Variants in GRID2IP observed in about 807,000 individuals in gnomAD.
GRID2IP encodes the protein Grid2 interacting protein.
A neutral mutation model predicts 114.3 loss-of-function variants in GRID2IP; 78 were observed. The observed-to-expected ratio is 0.68, with a 90% CI of 0.57 to 0.82. The LOEUF (loss-of-function observed/expected upper bound fraction) is 0.82. Among genes scored for constraint, GRID2IP ranks in the 40% least tolerant of loss-of-function variants. GRID2IP has a pLI of 0.00. For missense variants in GRID2IP, 1,727 were observed against 1,678.5 expected (o/e 1.03, Z -0.51); for synonymous variants, 809 against 724.0 (o/e 1.12, Z -1.89).
intron 2 of GRID2IP, among the ~76,000 whole-genome samples, chr7:6,537,104 G>C (rs1453804283): frequency 6.6e-6 from 1 of 152,082 alleles, no homozygotes; most frequent in Non-Finnish European, 1.5e-5. Flanking sequence ...GGCGGGATCC[G>C]GGGAGGGAGA....
Position 6,506,608 on chromosome 7 carries a change from G to T in GRID2IP, c.2545-701C>A, listed in dbSNP as rs1266473145. Among the ~76,000 whole-genome samples, 1 of 152,058 alleles carries T rather than the reference G, an allele frequency of 6.6e-6. No homozygotes were observed. Among genetic ancestry groups the T allele is most frequent in the East Asian group, 1.9e-4 (1 of 5,188 alleles). On this transcript the variant is annotated intron_variant, in intron 13 of 21. Coordinates refer to ENST00000457091, the MANE Select transcript of GRID2IP (RefSeq NM_001145118.2). The surrounding 1 kb of genome is among the most constrained non-coding windows in gnomAD (Gnocchi z 5.2). ...GCTGTGGAGCAATACTTGAAGATCG[G>T]TCCAAGGCTGGCAGGAGTGAGGTCT... is the stretch of plus-strand genomic sequence containing the variant.
rs1433295871 is a variant in GRID2IP at position 6,498,045 on chromosome 7, G to A, written c.3564+19C>T. 7.2e-6 allele frequency: 11 copies of A among 1,532,366 alleles called. No homozygotes were observed. Among genetic ancestry groups the A allele is most frequent in the Middle Eastern group, 1.7e-4 (1 of 5,898 alleles). The allele number at this position is 1,532,366 out of a possible 1,614,324, so 94.9% of individuals were successfully genotyped here. A position where few individuals can be genotyped will look rare whatever the true frequency, so the allele number is the denominator to read the frequency against. On this transcript the variant is annotated intron_variant, in intron 21 of 21. Transcript: ENST00000457091. Reference sequence around the variant, plus strand: ...CCCACCTCTCCAAAAGGGCCCCTCAGGGCTCCAGCGAGGCTCACCTCGAAT... The same window carrying A: ...CCCACCTCTCCAAAAGGGCCCCTCAAGGCTCCAGCGAGGCTCACCTCGAAT...
rs1279218914 is a variant in GRID2IP, at chr7:6,516,804, GT to G, written c.1269-2276del. On this transcript the variant is annotated intron_variant, in intron 7 of 21. Coordinates refer to ENST00000457091, the MANE Select transcript of GRID2IP (RefSeq NM_001145118.2). This position sits in a 1 kb window ranked among gnomAD's most constrained non-coding sequence, Gnocchi z 4.3. Reference sequence around the variant, plus strand: ...TAAAATGCATAGAAGAAATAATTACGTAAGCTGTCCCCTCTTTCTCTCCGCC... The same window carrying G: ...TAAAATGCATAGAAGAAATAATTACGAAGCTGTCCCCTCTTTCTCTCCGCC... Among the ~76,000 whole-genome samples the G allele has an allele frequency of 1.3e-5, 2 of 152,116 alleles. No homozygotes were observed. The highest frequency in any genetic ancestry group is 2.9e-5 in the Non-Finnish European group (2 of 68,006).
Position 6,502,043 on chromosome 7 carries a change from G to T in GRID2IP, c.3226C>A (p.Pro1076Thr). ...TCCTGAGCAAAGCCCAGGAGTTCAG[G>T]GAAGTGCTGGCTCAGCGATTTGGCA... is the stretch of plus-strand genomic sequence containing the variant. Reference protein sequence around the residue: ...ILAKSLSQHFPELLGFAQDLP... With the variant: ...ILAKSLSQHFTELLGFAQDLP... Residue 1076 changes from proline to threonine, a missense_variant, in exon 19 of 22, where the codon CCT (proline) becomes ACT (threonine). Pro to Thr is a conservative substitution (Grantham distance 38, BLOSUM62 -1). Transcript: ENST00000457091. 3 of 1,551,514 alleles carry T rather than the reference G, an allele frequency of 1.9e-6. No individual in the cohort carries two copies. In the East Asian group the frequency reaches 7.3e-5, roughly 38 times the overall value.
Position 6,551,380 on chromosome 7 carries a change from G to A in GRID2IP, c.57C>T (p.Phe19=). The part of the protein sequence containing the change: ...TNQGWPEDFG[F]RLGGSGPCFV... Reference sequence around the variant, plus strand: ...AGCAGGGGCCAGAGCCACCTAGCCGGAAGCCAAAGTCCTCTGGCCAGCCCT... The same window carrying A: ...AGCAGGGGCCAGAGCCACCTAGCCGAAAGCCAAAGTCCTCTGGCCAGCCCT... The change falls in exon 1 of 22, where the codon TTC becomes TTT. Residue 19 remains phenylalanine, a synonymous_variant. Transcript: ENST00000457091. The A allele has an allele frequency of 1.3e-6, 2 of 1,547,996 alleles. No homozygotes were observed. The highest frequency in any genetic ancestry group is 2.7e-5 in the African/African-American group (2 of 72,932).
intron 7 of GRID2IP, among the ~76,000 whole-genome samples, chr7:6,515,728 G>A (rs777753920): frequency 1.3e-5 from 2 of 151,478 alleles, no homozygotes; most frequent in Admixed American, 6.6e-5. Flanking sequence ...AGGTTGCACC[G>A]AGCCAAGATT....
chr7:6,515,502 G>A (rs1195205252), intron 7 of GRID2IP, among the ~76,000 whole-genome samples: 7 of 151,714 alleles, frequency 4.6e-5, no homozygotes, highest in Non-Finnish European at 1.0e-4. Flanking sequence ...AGCAGGCCAG[G>A]CATGGTGGCT....
Position 6,498,085 on chromosome 7 carries a change from T to C in GRID2IP, c.3543A>G (p.Ala1181=), listed in dbSNP as rs537601380. 1 of 1,551,332 alleles carries C rather than the reference T, an allele frequency of 6.4e-7. No homozygotes were observed. The highest frequency in any genetic ancestry group is 2.4e-5 in the East Asian group (1 of 40,916). Residue 1181 remains alanine (A), a synonymous_variant, in exon 21 of 22, where the codon GCA becomes GCG. Transcript: ENST00000457091. Reference sequence around the variant, plus strand: ...TCACCTCGAATTTGCTCATGAACTCTGCAAAGATGCCGAAGAAAGCCTCAG... The same window carrying C: ...TCACCTCGAATTTGCTCATGAACTCCGCAAAGATGCCGAAGAAAGCCTCAG... ...TTSEAFFGIF[A]EFMSKFERAL... is the part of the protein sequence containing the mutation.
intron 1 of GRID2IP, among the ~76,000 whole-genome samples, chr7:6,541,397 G>A (rs919520407): frequency 6.6e-6 from 1 of 152,152 alleles, no homozygotes; most frequent in Admixed American, 6.6e-5. Context: ...TCCATACTGT[G>A]CGCTGAGAGA....
At chr7:6,542,888 T>C (rs1779834370) in intron 1 of GRID2IP, among the ~76,000 whole-genome samples, 1 of 152,198 alleles carries the variant, frequency 6.6e-6, no homozygotes, top group Non-Finnish European at 1.5e-5. Flanking sequence ...TGGTTGTCTC[T>C]GGGCACTGAC....
In GRID2IP at chr7:6,507,016, G is replaced by A. The variant is rs996623598; in HGVS notation, c.2544+969C>T. The stretch of plus-strand genomic sequence containing the variant: ...CATCTTTATTAGCAACTTGGAAAGG[G>A]TCCCTGGAGATGTGGGCTGAGAAAG... On this transcript the variant is annotated intron_variant, in intron 13 of 21. Coordinates refer to ENST00000457091, the MANE Select transcript of GRID2IP (RefSeq NM_001145118.2). This position sits in a 1 kb window ranked among gnomAD's most constrained non-coding sequence, Gnocchi z 5.3. Among the ~76,000 whole-genome samples the A allele has an allele frequency of 6.6e-6, 1 of 152,110 alleles. No individual in the cohort carries two copies. The highest frequency in any genetic ancestry group is 1.5e-5 in the Non-Finnish European group (1 of 68,024).
At chr7:6,517,081 G>A (rs369420973) in intron 7 of GRID2IP, among the ~76,000 whole-genome samples, 1 of 148,798 alleles carries the variant, frequency 6.7e-6, no homozygotes, top group South Asian at 2.1e-4. Context: ...TTTTGAGACA[G>A]TCTGGCTCTG....
intron 21 of GRID2IP, 22 bp downstream of exon 21, chr7:6,498,042 T>G: frequency 6.5e-7 from 1 of 1,529,014 alleles, no homozygotes; most frequent in East Asian, 2.5e-5. Context: ...AAAGGGCCCC[T>G]CAGGGCTCCA....
intron 1 of GRID2IP, among the ~76,000 whole-genome samples, chr7:6,546,011 G>A (rs999009965): frequency 6.6e-6 from 1 of 152,014 alleles, no homozygotes; most frequent in Non-Finnish European, 1.5e-5. Context: ...GTGCGGTTTC[G>A]GTGTCAGTTA....
chr7:6,531,059 G>C, intron 2 of GRID2IP: 1 of 640,492 alleles, frequency 1.6e-6, no homozygotes. Flanking sequence ...GACGCGATGG[G>C]GAAGCTACCG....
chr7:6,531,209 C>G (rs1373777293), intron 2 of GRID2IP: 3 of 445,902 alleles, frequency 6.7e-6, no homozygotes, highest in African/African-American at 6.2e-5. Context: ...CCTGCGAGCG[C>G]GCGCGGCCCC....
intron 18 of GRID2IP, among the ~76,000 whole-genome samples, 196 bp downstream of exon 18, chr7:6,502,590 C>T (rs948098031): frequency 6.7e-6 from 1 of 148,820 alleles, no homozygotes; most frequent in Non-Finnish European, 1.5e-5. Flanking sequence ...GAGTGTGTTC[C>T]CCCACCCCAC....
chr7:6,509,441 A>G lies in GRID2IP; in HGVS notation c.1772-128T>C, dbSNP rs960390209. 1.2e-5 allele frequency: 10 copies of G among 840,654 alleles called. No homozygotes were observed. In the Admixed American group the frequency reaches 1.4e-4, roughly 12 times the overall value. The allele number at this position is 840,654 out of a possible 1,614,324, so 52.1% of individuals were successfully genotyped here. On this transcript the variant is annotated intron_variant, in intron 11 of 21. Transcript: ENST00000457091. This position sits in a 1 kb window ranked among gnomAD's most constrained non-coding sequence, Gnocchi z 4.9. ...GCCACTCTCCTTTCCCTCTCTGGGC[A>G]CAGTGCAGGAAGACCTTGAGCGGCC...
intron 20 of GRID2IP, 122 bp from the exon 21 acceptor site, chr7:6,498,350 A>T: frequency 1.1e-6 from 1 of 885,806 alleles, no homozygotes; most frequent in Non-Finnish European, 1.7e-6. Flanking sequence ...TCCAAGGGCC[A>T]GGCCCTGTGT....
Sources: allele counts gnomAD v4.1 joint callset (sites outside exome capture counted in the v4.1 genomes callset), GRCh38; gene constraint gnomAD v4.1.1; non-coding constraint Gnocchi (gnomAD v3.1); transcripts MANE v1.5; gene names NCBI Gene and HGNC (gene_info 2026-07-23, HGNC 2026-07-21).